CLOCK: variants seen among roughly 807,000 people sequenced by gnomAD.
CLOCK encodes circadian locomoter output cycles protein kaput.
CLOCK carries 43 observed loss-of-function variants against 118.4 expected under a neutral mutation model. The ratio of observed to expected loss-of-function variants is 0.36; its 90% CI spans 0.28 to 0.47. CLOCK has a LOEUF of 0.47. Ranked by LOEUF, CLOCK falls within the 20% of genes least tolerant of loss-of-function variation. The pLI is 1.00. For missense variants in CLOCK, 846 were observed against 999.9 expected (o/e 0.85, Z 2.08); for synonymous variants, 326 against 339.2 (o/e 0.96, Z 0.43).
chr4:55,442,391 G>A (rs759301729), intron 21 of CLOCK, 41 bp downstream of exon 21: 24 of 1,536,818 alleles, frequency 1.6e-5, no homozygotes, highest in Non-Finnish European at 2.2e-5. Flanking sequence ...TAATCAATCG[G>A]TTTACAATTT....
At chr4:55,514,507 C>G (rs1729361552) in intron 1 of CLOCK, among the ~76,000 whole-genome samples, 1 of 151,456 alleles carries the variant, frequency 6.6e-6, no homozygotes, top group Non-Finnish European at 1.5e-5. Flanking sequence ...TTATCCCCCC[C>G]CCACTTTGCT....
chr4:55,516,301 A>G (rs946864700), intron 1 of CLOCK, among the ~76,000 whole-genome samples: 2 of 152,176 alleles, frequency 1.3e-5, no homozygotes, highest in African/African-American at 4.8e-5. Flanking sequence ...TGGGGTATTA[A>G]AGTCTCCATT....
At chr4:55,522,894 A>T (rs1309478101) in intron 1 of CLOCK, among the ~76,000 whole-genome samples, 2 of 152,370 alleles carry the variant, frequency 1.3e-5, no homozygotes. Context: ...CATATAAAAA[A>T]GATTTAGAAG....
chr4:55,522,859 G>C (rs564220263), intron 1 of CLOCK, among the ~76,000 whole-genome samples: 1 of 152,218 alleles, frequency 6.6e-6, no homozygotes, highest in African/African-American at 2.4e-5. Flanking sequence ...TTGAAAGCAA[G>C]GAAGCTATCA....
chr4:55,490,043 G>A (rs1288308043), intron 2 of CLOCK, among the ~76,000 whole-genome samples: 3 of 151,842 alleles, frequency 2.0e-5, no homozygotes, highest in Admixed American at 6.6e-5. Context: ...CACTTTAAAC[G>A]TAAATGGATT....
chr4:55,490,797 C>T (rs1451965879), intron 2 of CLOCK, among the ~76,000 whole-genome samples: 3 of 152,100 alleles, frequency 2.0e-5, no homozygotes, highest in Non-Finnish European at 4.4e-5. Context: ...AATCCACAGA[C>T]GTGGAACCTT....
At chr4:55,442,780 A>G in intron 20 of CLOCK, 146 bp from the exon 21 acceptor site, 1 of 752,620 alleles carries the variant, frequency 1.3e-6, no homozygotes, top group Admixed American at 2.1e-5. Flanking sequence ...TATAACCACA[A>G]AGGAATGACT....
chr4:55,513,030 T>G (rs1000374507), intron 1 of CLOCK, among the ~76,000 whole-genome samples: 3 of 152,174 alleles, frequency 2.0e-5, no homozygotes, highest in Non-Finnish European at 4.4e-5. Context: ...ATACATTTAG[T>G]GTAGTCTAAG....
chr4:55,428,031 C>A lies in CLOCK; in HGVS notation c.*7384G>T, dbSNP rs192276543. 1.3e-5 allele frequency: 2 copies of A among 152,126 alleles called. No individual in the cohort carries two copies. Among genetic ancestry groups the A allele is most frequent in the African/African-American group, 4.8e-5 (2 of 41,424 alleles). The allele number at this position is 152,126 out of a possible 1,614,324, so 9.4% of individuals were successfully genotyped here. ...CAGGTGATAACTGAAAAACATAGCA[C>A]TGAGGTATTTTTTATTTTTAAAATT... On this transcript the variant is annotated 3_prime_UTR_variant, in exon 23 of 23. Transcript: ENST00000513440.
chr4:55,478,983 G>C lies in CLOCK; in HGVS notation c.108-20C>G. ...GATACTCTGATGAAATGAAAAATAT[G>C]CATTTTTTAAACAATCCATTTAATT... On this transcript the variant is annotated intron_variant, in intron 5 of 22. Coordinates refer to ENST00000513440, the MANE Select transcript of CLOCK (RefSeq NM_004898.4). The C allele has an allele frequency of 1.3e-6, 2 of 1,556,718 alleles. No individual in the cohort carries two copies. The highest frequency in any genetic ancestry group is 2.3e-5 in the East Asian group (1 of 43,882).
At chr4:55,448,597 C>CGTGT (rs1464115730) in intron 18 of CLOCK, among the ~76,000 whole-genome samples, 182 bp downstream of exon 18, 2 of 72,922 alleles carry the variant, frequency 2.7e-5, no homozygotes, top group African/African-American at 1.4e-4. Flanking sequence ...CGCGCGCACG[C>CGTGT]GCGCGTGTGT....
At chr4:55,456,104 A>G in intron 12 of CLOCK, 101 bp from the exon 13 acceptor site, 1 of 1,346,028 alleles carries the variant, frequency 7.4e-7, no homozygotes. Context: ...TTTTCAAAAA[A>G]TGGGAACAGG....
At chr4:55,451,043 A>G (rs1335089338) in intron 15 of CLOCK, among the ~76,000 whole-genome samples, 1 of 151,892 alleles carries the variant, frequency 6.6e-6, no homozygotes, top group Non-Finnish European at 1.5e-5. Flanking sequence ...TCAACTTAAA[A>G]AAAAAAAAGG....
intron 1 of CLOCK, among the ~76,000 whole-genome samples, chr4:55,537,113 T>A (rs1171624282): frequency 2.6e-5 from 4 of 152,068 alleles, no homozygotes; most frequent in African/African-American, 9.7e-5. Flanking sequence ...CACTTATAAA[T>A]AAACTATAGA....
At chr4:55,509,514 A>G (rs1729010454) in intron 2 of CLOCK, among the ~76,000 whole-genome samples, 1 of 152,176 alleles carries the variant, frequency 6.6e-6, no homozygotes, top group Non-Finnish European at 1.5e-5. Context: ...TGTAAAGAGG[A>G]GCTGCAGTCT....
chr4:55,524,380 CAG>C (rs1266133677), intron 1 of CLOCK, among the ~76,000 whole-genome samples: 1 of 151,366 alleles, frequency 6.6e-6, no homozygotes, highest in Non-Finnish European at 1.5e-5. Flanking sequence ...GCCTGGGCAA[CAG>C]AGTGAGACTC....
intron 2 of CLOCK, among the ~76,000 whole-genome samples, chr4:55,508,802 C>A (rs1728969230): frequency 6.6e-6 from 1 of 152,112 alleles, no homozygotes; most frequent in Non-Finnish European, 1.5e-5. Context: ...CCGTGTTAGC[C>A]AGGATGGTCT....
At chr4:55,470,634 T>C (rs771039703) in intron 8 of CLOCK, 83 bp downstream of exon 8, 15 of 947,258 alleles carry the variant, frequency 1.6e-5, no homozygotes, top group Non-Finnish European at 2.4e-5. Context: ...TGTACACTGC[T>C]CTCAAAGTCC....
At chr4:55,471,930 C>T (rs1390676622) in intron 7 of CLOCK, among the ~76,000 whole-genome samples, 1 of 151,936 alleles carries the variant, frequency 6.6e-6, no homozygotes, top group Non-Finnish European at 1.5e-5. Flanking sequence ...AAAAATTAGC[C>T]AGGTGTGGTG....
Sources: gnomAD v4.1 joint callset for allele counts (sites outside exome capture counted in the v4.1 genomes callset) on GRCh38, gnomAD v4.1.1 for gene constraint, MANE v1.5 for transcripts, NCBI Gene and HGNC (gene_info 2026-07-23, HGNC 2026-07-21) for gene names.